Variants in DLG2 observed in about 807,000 individuals in gnomAD.
DLG2 encodes discs large MAGUK scaffold protein 2.
A neutral mutation model predicts 132.5 loss-of-function variants in DLG2; 45 were observed. The observed-to-expected ratio is 0.34, with a 90% CI of 0.27 to 0.44. The LOEUF is 0.44. DLG2 is among the 20% of genes least tolerant of loss of function. DLG2 has a pLI of 1.00. For synonymous variants in DLG2, 424 were observed against 419.6 expected, an observed-to-expected ratio of 1.01 and a Z score of -0.13; for missense variants, 1,045 against 1,196.9, an observed-to-expected ratio of 0.87 and a Z score of 1.87.
intron 5 of DLG2, 132 bp from the exon 6 acceptor site, chr11:85,111,867 G>A: frequency 1.6e-6 from 1 of 617,482 alleles, no homozygotes; most frequent in Non-Finnish European, 2.6e-6. Flanking sequence ...CTTTGTTGGT[G>A]CAATGCTGCA....
chr11:84,231,318 G>C (rs1282409759), intron 8 of DLG2, among the ~76,000 whole-genome samples: 2 of 152,156 alleles, frequency 1.3e-5, no homozygotes, highest in East Asian at 1.9e-4. Flanking sequence ...GCCATGGGTT[G>C]TCTAGCTTAC....
chr11:83,998,297 A>C (rs2094156972), intron 11 of DLG2, among the ~76,000 whole-genome samples: 1 of 152,200 alleles, frequency 6.6e-6, no homozygotes, highest in Admixed American at 6.5e-5. Flanking sequence ...TTTTTGTTAT[A>C]AAATAAATAA....
intron 5 of DLG2, among the ~76,000 whole-genome samples, chr11:85,141,755 T>G (rs2076494927): frequency 6.6e-6 from 1 of 151,862 alleles, no homozygotes; most frequent in African/African-American, 2.4e-5. Flanking sequence ...AGGGTTGTAG[T>G]TTCATTTTTC....
At chr11:83,490,257 T>C (rs565330063) in intron 21 of DLG2, among the ~76,000 whole-genome samples, 16 of 151,906 alleles carry the variant, frequency 1.1e-4, no homozygotes, top group Admixed American at 7.9e-4. Flanking sequence ...TGGTAGCATA[T>C]GAAAAGACAC....
At chr11:85,210,612 G>A (rs1480918532) in intron 4 of DLG2, among the ~76,000 whole-genome samples, 1 of 152,014 alleles carries the variant, frequency 6.6e-6, no homozygotes, top group African/African-American at 2.4e-5. Flanking sequence ...AACTTTCTTG[G>A]GGAGCAAATT....
chr11:84,553,259 C>T (rs1388377557), intron 6 of DLG2, among the ~76,000 whole-genome samples: 1 of 152,116 alleles, frequency 6.6e-6, no homozygotes. Context: ...TTTTATTCAT[C>T]CCTCATTTCA....
intron 6 of DLG2, chr11:84,639,851 T>C (rs183361456): frequency 5.8e-6 from 1 of 172,788 alleles, no homozygotes; most frequent in Non-Finnish European, 1.2e-5. Context: ...CACACCTGTC[T>C]GAGTAGGCTT....
chr11:83,706,232 C>A (rs965837462), intron 18 of DLG2, among the ~76,000 whole-genome samples: 7 of 141,796 alleles, frequency 4.9e-5, no homozygotes, highest in Non-Finnish European at 7.7e-5. Context: ...AAAAAAAAAA[C>A]ATTTTAAAAC....
chr11:84,819,717 A>T (rs951211459), intron 6 of DLG2, among the ~76,000 whole-genome samples: 1 of 151,896 alleles, frequency 6.6e-6, no homozygotes, highest in Non-Finnish European at 1.5e-5. Flanking sequence ...CTCACTGGGG[A>T]TGTTAGAAAC....
intron 3 of DLG2, among the ~76,000 whole-genome samples, chr11:85,481,093 C>T (rs538084783): frequency 6.6e-6 from 1 of 152,264 alleles, no homozygotes; most frequent in Admixed American, 6.5e-5. Flanking sequence ...TTGTAAATTC[C>T]CTCACTTTCT....
At chr11:84,917,259 G>A (rs772405536) in intron 6 of DLG2, among the ~76,000 whole-genome samples, 4 of 152,110 alleles carry the variant, frequency 2.6e-5, no homozygotes, top group Non-Finnish European at 4.4e-5. Flanking sequence ...CCTGACTCTG[G>A]CCAACATGTA....
intron 7 of DLG2, among the ~76,000 whole-genome samples, chr11:84,422,622 C>T (rs2098954538): frequency 6.6e-6 from 1 of 152,128 alleles, no homozygotes; most frequent in Non-Finnish European, 1.5e-5. Flanking sequence ...ACAGCTAAAT[C>T]ATTACAGCAG....
intron 4 of DLG2, among the ~76,000 whole-genome samples, chr11:85,156,147 G>C (rs1035266392): frequency 6.6e-5 from 10 of 152,146 alleles, no homozygotes; most frequent in African/African-American, 2.4e-4. Flanking sequence ...GGATTTCTCT[G>C]ATACTAGTCT....
At chr11:84,540,990 A>G (rs1397676380) in intron 6 of DLG2, among the ~76,000 whole-genome samples, 1 of 152,104 alleles carries the variant, frequency 6.6e-6, no homozygotes, top group Admixed American at 6.5e-5. Flanking sequence ...GAATTGAACA[A>G]TGAGAACACT....
chr11:84,093,391 A>G (rs2097124200), intron 10 of DLG2, among the ~76,000 whole-genome samples: 1 of 152,108 alleles, frequency 6.6e-6, no homozygotes, highest in African/African-American at 2.4e-5. Flanking sequence ...TTCATTTTCA[A>G]TCCAGCAACA....
intron 7 of DLG2, among the ~76,000 whole-genome samples, chr11:84,446,230 T>G (rs1036115145): frequency 2.0e-5 from 3 of 152,146 alleles, no homozygotes; most frequent in Non-Finnish European, 4.4e-5. Flanking sequence ...TTAGACATTC[T>G]ATATATATTT....
chr11:85,609,670 C>T (rs1212083634), intron 2 of DLG2, among the ~76,000 whole-genome samples: 2 of 152,278 alleles, frequency 1.3e-5, no homozygotes, highest in African/African-American at 4.8e-5. Context: ...TAAGAAGACC[C>T]AACAACAGGA....
chr11:85,288,617 C>A (rs1414983034), intron 3 of DLG2, among the ~76,000 whole-genome samples: 1 of 151,846 alleles, frequency 6.6e-6, no homozygotes, highest in East Asian at 1.9e-4. Flanking sequence ...TGTGTTCATG[C>A]CACTGCACTC....
At chr11:84,368,631 T>A (rs563984958) in intron 7 of DLG2, among the ~76,000 whole-genome samples, 1 of 152,152 alleles carries the variant, frequency 6.6e-6, no homozygotes, top group African/African-American at 2.4e-5. Context: ...TTGTATTTAT[T>A]AGTGGCAATG....
Sources: gnomAD v4.1 joint callset for allele counts (sites outside exome capture counted in the v4.1 genomes callset) on GRCh38, gnomAD v4.1.1 for gene constraint, MANE v1.5 for transcripts, NCBI Gene and HGNC (gene_info 2026-07-23, HGNC 2026-07-21) for gene names.